Variants in RNF6 observed in about 807,000 individuals in gnomAD.
RNF6 encodes ring finger protein 6.
RNF6 carries 21 observed loss-of-function variants against 50.1 expected under a neutral mutation model. The ratio of observed to expected loss-of-function variants is 0.42; its 90% CI spans 0.30 to 0.60. The LOEUF is 0.60. Among genes scored for constraint, RNF6 ranks in the 20% least tolerant of loss-of-function variants. The pLI is 0.20. For synonymous variants in RNF6, 255 were observed against 291.8 expected (o/e 0.87, Z 1.29); for missense variants, 698 against 838.2 (o/e 0.83, Z 2.07).
chr13:26,157,278 T>G (rs1318836586), intron 5 of RNF6, among the ~76,000 whole-genome samples: 1 of 152,212 alleles, frequency 6.6e-6, no homozygotes, highest in Middle Eastern at 3.4e-3. Flanking sequence ...TTTTAAAAAT[T>G]TTAAAAAATG....
intron 5 of RNF6, chr13:26,149,219 G>A (rs1422669169): frequency 6.6e-6 from 1 of 152,088 alleles, no homozygotes; most frequent in Non-Finnish European, 1.5e-5. Context: ...TGTTATGGGG[G>A]AAAAATTCAT....
intron 5 of RNF6, among the ~76,000 whole-genome samples, chr13:26,139,417 T>A (rs968141101): frequency 1.3e-5 from 2 of 152,176 alleles, no homozygotes; most frequent in African/African-American, 2.4e-5. Context: ...CCTGATGTTT[T>A]CCCTGTGGCC....
At chr13:26,184,069 C>T (rs111666817) in intron 5 of RNF6, among the ~76,000 whole-genome samples, 6,633 of 126,044 alleles carry the variant, frequency 0.053, 567 homozygotes, top group African/African-American at 0.19. Context: ...CTCTGTTGCT[C>T]AGGCTGGAGT....
At chr13:26,216,744 G>A (rs1869917978) in intron 4 of RNF6, among the ~76,000 whole-genome samples, 1 of 152,156 alleles carries the variant, frequency 6.6e-6, no homozygotes, top group African/African-American at 2.4e-5. Context: ...CATGAAGTCA[G>A]GAGTTCGAGA....
chr13:26,192,701 C>T (rs928495936), intron 5 of RNF6, among the ~76,000 whole-genome samples: 1 of 152,170 alleles, frequency 6.6e-6, no homozygotes, highest in Admixed American at 6.5e-5. Flanking sequence ...TGGCCAACAA[C>T]CAGCTAGGAA....
chr13:26,139,154 C>G (rs1330743532), intron 5 of RNF6, among the ~76,000 whole-genome samples: 3 of 152,102 alleles, frequency 2.0e-5, no homozygotes. Context: ...CTTTTATATG[C>G]AAACTGAACC....
intron 5 of RNF6, among the ~76,000 whole-genome samples, chr13:26,189,288 A>G (rs1873708361): frequency 6.6e-6 from 1 of 151,944 alleles, no homozygotes. Context: ...AGGTCATGCC[A>G]CTGCACTGCA....
intron 5 of RNF6, among the ~76,000 whole-genome samples, chr13:26,154,688 C>A (rs1486499627): frequency 6.6e-6 from 1 of 152,134 alleles, no homozygotes; most frequent in Non-Finnish European, 1.5e-5. Flanking sequence ...TATGTTAAGG[C>A]AATAAGCAAG....
At chr13:26,184,359 C>T (rs561116988) in intron 5 of RNF6, among the ~76,000 whole-genome samples, 1 of 152,202 alleles carries the variant, frequency 6.6e-6, no homozygotes, top group African/African-American at 2.4e-5. Flanking sequence ...ATCAGTCTCC[C>T]TCAGTTTAGC....
intron 5 of RNF6, among the ~76,000 whole-genome samples, chr13:26,199,321 G>A (rs1415318504): frequency 6.6e-6 from 1 of 152,124 alleles, no homozygotes. Flanking sequence ...ATATCCATAT[G>A]CAGACAAACA....
At chr13:26,162,550 T>A (rs918192127) in intron 5 of RNF6, among the ~76,000 whole-genome samples, 2 of 152,158 alleles carry the variant, frequency 1.3e-5, no homozygotes, top group African/African-American at 4.8e-5. Context: ...CACAGAACAT[T>A]GTACCAGGGC....
At chr13:26,175,064 C>T (rs1164200384) in intron 5 of RNF6, among the ~76,000 whole-genome samples, 1 of 152,140 alleles carries the variant, frequency 6.6e-6, no homozygotes, top group Admixed American at 6.5e-5. Flanking sequence ...AACCAAGATG[C>T]TCCCCATTGG....
intron 5 of RNF6, among the ~76,000 whole-genome samples, chr13:26,201,707 T>C (rs539259978): frequency 6.6e-5 from 10 of 152,352 alleles, no homozygotes; most frequent in Middle Eastern, 3.4e-3. Flanking sequence ...CAACTGCATA[T>C]GGGACTCTGA....
intron 5 of RNF6, among the ~76,000 whole-genome samples, chr13:26,198,639 G>T (rs1208746893): frequency 6.6e-6 from 1 of 151,676 alleles, no homozygotes; most frequent in Admixed American, 6.6e-5. Context: ...CTGTAATGAA[G>T]GTCCTAGATA....
intron 5 of RNF6, among the ~76,000 whole-genome samples, chr13:26,183,789 C>T: frequency 6.6e-6 from 1 of 151,252 alleles, no homozygotes; most frequent in East Asian, 1.9e-4. Context: ...CTCATATTCT[C>T]ACAGAAAGTA....
intron 5 of RNF6, among the ~76,000 whole-genome samples, chr13:26,187,536 C>T (rs1448714835): frequency 2.6e-5 from 4 of 152,178 alleles, no homozygotes; most frequent in Non-Finnish European, 5.9e-5. Context: ...TACCCTAGTT[C>T]TTCCTGCGGT....
intron 5 of RNF6, among the ~76,000 whole-genome samples, chr13:26,157,881 GAGATGGAT>G (rs1872007319): frequency 7.1e-6 from 1 of 140,934 alleles, no homozygotes; most frequent in Non-Finnish European, 1.5e-5. Context: ...AAGAGAAAAA[GAGATGGAT>G]GGATGGATGG....
chr13:26,168,551 A>C (rs932444488), intron 5 of RNF6, among the ~76,000 whole-genome samples: 14 of 152,146 alleles, frequency 9.2e-5, no homozygotes, highest in Non-Finnish European at 1.8e-4. Context: ...TTTTGCAGAA[A>C]ATGTTCTTAC....
chr13:26,157,046 T>C (rs1351684793), intron 5 of RNF6, among the ~76,000 whole-genome samples: 1 of 151,756 alleles, frequency 6.6e-6, no homozygotes, highest in Non-Finnish European at 1.5e-5. Flanking sequence ...AGGGTTGGGG[T>C]GTTGAGGGAA....
Sources: gnomAD v4.1 joint callset for allele counts (sites outside exome capture counted in the v4.1 genomes callset) on GRCh38, gnomAD v4.1.1 for gene constraint, MANE v1.5 for transcripts, NCBI Gene and HGNC (gene_info 2026-07-23, HGNC 2026-07-21) for gene names.